ABR: variants seen among roughly 807,000 people sequenced by gnomAD.
ABR encodes the protein active breakpoint cluster region-related protein.
In ABR, 35 loss-of-function variants were observed where a neutral mutation model predicts 107.2. The observed-to-expected ratio is 0.33, with a 90% CI of 0.25 to 0.43. The LOEUF (loss-of-function observed/expected upper bound fraction) is 0.43. Ranked by LOEUF, ABR falls within the 20% of genes least tolerant of loss-of-function variation. The pLI is 1.00. For synonymous variants in ABR, 498 were observed against 462.0 expected (o/e 1.08, Z -1.00); for missense variants, 815 against 1,115.2 (o/e 0.73, Z 3.83).
At chr17:1,101,806 T>TTCTCGATCTCCTGACCTCGTGATCCGCC (rs2037896012) in intron 2 of ABR, among the ~76,000 whole-genome samples, 1 of 151,044 alleles carries the variant, frequency 6.6e-6, no homozygotes, top group East Asian at 1.9e-4. Context: ...CGATCTCGGC[T>TTCTCGATCTCCTGACCTCGTGATCCGCC]CACTGCAAGC....
At position 1,078,950 on chromosome 17, in the gene ABR, G is replaced by A; in HGVS notation, c.700+380C>T. The A allele has an allele frequency of 6.6e-7, 1 of 1,525,674 alleles. No homozygotes were observed. Among genetic ancestry groups the A allele is most frequent in the Non-Finnish European group, 8.8e-7 (1 of 1,140,948 alleles). 94.5% of individuals were successfully genotyped at this position (1,525,674 alleles called of 1,614,324 possible). ...AGCCCGGCCACTCAGCCACCTTGCT[G>A]ATGCTGCCGCACGGACTCCAGCATC... On this transcript the variant is annotated intron_variant, in intron 6 of 22. Transcript: ENST00000302538. The surrounding 1 kb of genome is among the most constrained non-coding windows in gnomAD (Gnocchi z 7.5).
chr17:1,203,417 G>T (rs1406893988), intron 1 of ABR, among the ~76,000 whole-genome samples: 2 of 133,074 alleles, frequency 1.5e-5, no homozygotes, highest in African/African-American at 3.1e-5. Context: ...CGGAGTCTGC[G>T]GGGGCGGGGC....
At chr17:1,189,215 T>C (rs1224410939), upstream of ABR, among the ~76,000 whole-genome samples, 2 of 152,198 alleles carry the variant, frequency 1.3e-5, no homozygotes, top group Non-Finnish European at 2.9e-5. Flanking sequence ...CTCACGAGAC[T>C]GACATCAAAG....
At position 1,179,646 on chromosome 17, in the gene ABR, GC is replaced by G; in HGVS notation, c.61+20del. 1.3e-6 allele frequency: 2 copies of G among 1,515,968 alleles called. No homozygotes were observed. Among genetic ancestry groups the G allele is most frequent in the South Asian group, 1.3e-5 (1 of 79,988 alleles). The allele number at this position is 1,515,968 out of a possible 1,614,324, so 93.9% of individuals were successfully genotyped here. On this transcript the variant is annotated intron_variant, in intron 1 of 22. Coordinates refer to ENST00000302538, the MANE Select transcript of ABR (RefSeq NM_021962.5). This position sits in a 1 kb window ranked among gnomAD's most constrained non-coding sequence, Gnocchi z 4.9. ...GTCCCGATCCCGATCCTGGGGTCCC[GC>G]CCCCGCCCGGCACACGTACTGCTGT... is the stretch of plus-strand genomic sequence containing the variant.
rs564254031 is a variant in ABR at position 1,224,924 on chromosome 17, C to T, written c.838+3869G>A. On this transcript the variant is annotated intron_variant, in intron 1 of 22. Coordinates refer to the ABR transcript ENST00000574139. The stretch of plus-strand genomic sequence containing the variant: ...CAGCACTTTGGGAGGCTGAGATGGG[C>T]GGATCACAAAGTCAGGAGATCGAGA... Among the ~76,000 whole-genome samples, 22 of 151,858 alleles carry T rather than the reference C, an allele frequency of 1.4e-4. No individual in the cohort carries two copies. In the South Asian group the frequency reaches 3.1e-3, roughly 22 times the overall value.
intron 16 of ABR, among the ~76,000 whole-genome samples, chr17:1,047,413 G>A (rs1412359035): frequency 1.3e-5 from 2 of 152,250 alleles, no homozygotes; most frequent in Non-Finnish European, 2.9e-5. Flanking sequence ...CATCCACGGT[G>A]GCTCTGAGGG....
chr17:1,147,261 G>A lies in ABR; in HGVS notation c.62-21894C>T, dbSNP rs79277488. Among the ~76,000 whole-genome samples the A allele has an allele frequency of 3.1e-3, 477 of 152,258 alleles. 4 individuals carry two copies. The highest frequency in any genetic ancestry group is 0.011 in the African/African-American group (458 of 41,544). On this transcript the variant is annotated intron_variant, in intron 1 of 22. Transcript: ENST00000302538. ...TCAGGCTGGGTCCCGGCATGACCAC[G>A]GGGAGCAGAGCCCCCCGTCTACCAG...
intron 1 of ABR, among the ~76,000 whole-genome samples, chr17:1,192,450 C>T (rs2042455648): frequency 6.6e-6 from 1 of 152,090 alleles, no homozygotes; most frequent in African/African-American, 2.4e-5. Context: ...AGGGAGGTAC[C>T]ACTTCAAACT....
chr17:1,022,120 A>AAAAAAAAAAAACAC (rs56033950), intron 16 of ABR, among the ~76,000 whole-genome samples: 2 of 118,396 alleles, frequency 1.7e-5, no homozygotes, highest in Non-Finnish European at 3.3e-5. Context: ...AAAAAAAAAA[A>AAAAAAAAAAAACAC]AAAAACAGAA....
chr17:1,061,656 T>G (rs997411001), intron 10 of ABR, among the ~76,000 whole-genome samples: 4 of 152,032 alleles, frequency 2.6e-5, no homozygotes, highest in South Asian at 2.1e-4. Flanking sequence ...ACACAATTCT[T>G]TTGCCTCAGC....
At position 1,122,507 on chromosome 17, in the gene ABR, G is replaced by A. The variant is rs1030037498; in HGVS notation, c.246+2676C>T. ...GCTCCTCTCGCCTGACTACCTGAGC[G>A]TGAGCTGGGATGTTGGCCTCCTCCA... On this transcript the variant is annotated intron_variant, in intron 2 of 22. Transcript: ENST00000302538. Among the ~76,000 whole-genome samples the A allele has an allele frequency of 4.6e-5, 7 of 152,180 alleles. No homozygotes were observed. In the East Asian group the frequency reaches 5.8e-4, roughly 13 times the overall value.
intron 1 of ABR, among the ~76,000 whole-genome samples, chr17:1,215,520 C>G (rs187863489): frequency 6.6e-6 from 1 of 152,224 alleles, no homozygotes; most frequent in African/African-American, 2.4e-5. Context: ...GGATTGCGGA[C>G]GGAGTCTCGT....
chr17:1,219,061 GT>G (rs1285430592), intron 1 of ABR, among the ~76,000 whole-genome samples: 23 of 150,802 alleles, frequency 1.5e-4, no homozygotes, highest in African/African-American at 5.6e-4. Context: ...TTGTTTGTTT[GT>G]AACAGAGTCT....
chr17:1,112,396 G>A (rs1286898672), intron 2 of ABR, among the ~76,000 whole-genome samples: 2 of 152,226 alleles, frequency 1.3e-5, no homozygotes, highest in East Asian at 3.8e-4. Context: ...AAATAGGGAA[G>A]GGTTTCCAGG....
At chr17:1,061,946 T>A (rs1479897890) in intron 10 of ABR, among the ~76,000 whole-genome samples, 1 of 152,206 alleles carries the variant, frequency 6.6e-6, no homozygotes, top group Admixed American at 6.5e-5. Context: ...GAGAGGAGTC[T>A]GACAATGCAA....
chr17:1,142,426 A>C (rs548460861), intron 1 of ABR, among the ~76,000 whole-genome samples: 2 of 152,032 alleles, frequency 1.3e-5, no homozygotes, highest in Non-Finnish European at 2.9e-5. Context: ...CTCTACTAAA[A>C]ATATAAAAAT....
chr17:1,091,328 C>T (rs1374057091), intron 4 of ABR, among the ~76,000 whole-genome samples: 2 of 114,410 alleles, frequency 1.7e-5, no homozygotes, highest in East Asian at 6.0e-4. Context: ...GAGCACCCTC[C>T]GGGAGGGAGA....
At chr17:1,229,437 C>T (rs1363668041) in exon 1 of ABR, among the ~76,000 whole-genome samples, 5 of 151,828 alleles carry the variant, frequency 3.3e-5, no homozygotes, top group Non-Finnish European at 5.9e-5. Flanking sequence ...GCCGCCGCCC[C>T]GGGCCAGCGC....
intron 1 of ABR, among the ~76,000 whole-genome samples, chr17:1,222,959 T>C (rs896893883): frequency 1.4e-5 from 2 of 142,216 alleles, no homozygotes; most frequent in South Asian, 2.2e-4. Flanking sequence ...CCCAGCACTT[T>C]GGGAGTCCGA....
Sources: gnomAD v4.1 joint callset for allele counts (sites outside exome capture counted in the v4.1 genomes callset) on GRCh38, gnomAD v4.1.1 for gene constraint, Gnocchi (gnomAD v3.1) non-coding constraint, MANE v1.5 for transcripts, NCBI Gene and HGNC (gene_info 2026-07-23, HGNC 2026-07-21) for gene names.